Variants in ADGRE2 observed in about 807,000 individuals in gnomAD.
The protein encoded by ADGRE2 is adhesion G protein-coupled receptor E2.
ADGRE2 carries 83 observed loss-of-function variants against 100.8 expected under a neutral mutation model. The ratio of observed to expected loss-of-function variants is 0.82; its 90% confidence interval spans 0.69 to 0.99. The LOEUF (loss-of-function observed/expected upper bound fraction) is 0.99. Among genes scored for constraint, ADGRE2 ranks in the 50% least tolerant of loss-of-function variants. ADGRE2 has a pLI of 0.00. For missense variants in ADGRE2, 814 were observed against 1,035.7 expected (o/e 0.79, Z 2.94); for synonymous variants, 355 against 413.0 (o/e 0.86, Z 1.70).
chr19:14,771,779 T>C (rs1449163912), intron 5 of ADGRE2: 1 of 152,716 alleles, frequency 6.5e-6, no homozygotes, highest in East Asian at 1.9e-4. Flanking sequence ...TAGCTGGGAT[T>C]ACAGGCACCC....
intron 5 of ADGRE2, among the ~76,000 whole-genome samples, chr19:14,767,468 T>G (rs752927149): frequency 1.1e-4 from 17 of 152,134 alleles, no homozygotes; most frequent in Non-Finnish European, 2.1e-4. Context: ...CTTGATCTCC[T>G]GACCTCGTGA....
intron 4 of ADGRE2, among the ~76,000 whole-genome samples, chr19:14,773,080 C>CAAAAAAAAAAAA (rs35688921): frequency 1.5e-4 from 7 of 45,794 alleles, no homozygotes; most frequent in African/African-American, 4.2e-4. Flanking sequence ...GACTCCATCT[C>CAAAAAAAAAAAA]AAAAAAAAAA....
intron 20 of ADGRE2, among the ~76,000 whole-genome samples, chr19:14,736,495 A>AG (rs1568572537): frequency 6.6e-6 from 1 of 151,890 alleles, no homozygotes; most frequent in Non-Finnish European, 1.5e-5. Flanking sequence ...TCCTGACCTC[A>AG]GGTGATCTGC....
At chr19:14,744,116 C>T (rs1396576879) in intron 18 of ADGRE2, among the ~76,000 whole-genome samples, 5 of 151,600 alleles carry the variant, frequency 3.3e-5, no homozygotes, top group Admixed American at 6.6e-5. Context: ...GTCGGGGGGG[C>T]GCCTGTAATC....
At chr19:14,741,091 GTTTTTT>G (rs71333309) in intron 20 of ADGRE2, among the ~76,000 whole-genome samples, 2 of 116,712 alleles carry the variant, frequency 1.7e-5, no homozygotes, top group Admixed American at 9.6e-5. Flanking sequence ...TGAATAGGCT[GTTTTTT>G]TTTTTTTTTT....
At chr19:14,744,906 T>C (rs1211159309) in intron 18 of ADGRE2, among the ~76,000 whole-genome samples, 2 of 151,760 alleles carry the variant, frequency 1.3e-5, no homozygotes, top group African/African-American at 2.4e-5. Flanking sequence ...ACTTTTTTTT[T>C]TGAGTTGGAG....
intron 13 of ADGRE2, among the ~76,000 whole-genome samples, chr19:14,755,389 A>C (rs2043462032): frequency 6.6e-6 from 1 of 151,920 alleles, no homozygotes; most frequent in Admixed American, 6.6e-5. Context: ...GGAGGCGGAG[A>C]CTGCAGTGAG....
intron 5 of ADGRE2, among the ~76,000 whole-genome samples, chr19:14,771,368 C>T (rs2044201459): frequency 6.6e-6 from 1 of 152,164 alleles, no homozygotes; most frequent in South Asian, 2.1e-4. Flanking sequence ...TGTCCACCTG[C>T]TACTGGTTCC....
chr19:14,739,842 T>C (rs1453029292), intron 20 of ADGRE2, among the ~76,000 whole-genome samples: 1 of 152,206 alleles, frequency 6.6e-6, no homozygotes, highest in Non-Finnish European at 1.5e-5. Context: ...GGCTCACGTC[T>C]GTAATCCCAG....
chr19:14,774,902 G>T (rs12461047), intron 2 of ADGRE2, among the ~76,000 whole-genome samples: 77,162 of 148,550 alleles, frequency 0.52, 20,573 homozygotes, highest in Middle Eastern at 0.59. Context: ...TCGAACTCCT[G>T]ACCTCAGGTG....
At chr19:14,727,794 T>TC (rs1221692209), downstream of ADGRE2, among the ~76,000 whole-genome samples, 1 of 152,190 alleles carries the variant, frequency 6.6e-6, no homozygotes, top group Non-Finnish European at 1.5e-5. Flanking sequence ...TAATGTTAAG[T>TC]CTCACCTTAT....
chr19:14,725,748 G>C, the ADGRE2 span, among the ~76,000 whole-genome samples: 1 of 152,212 alleles, frequency 6.6e-6, no homozygotes, highest in Non-Finnish European at 1.5e-5. Flanking sequence ...TGCAAGATAT[G>C]GGATCTCAAG....
In ADGRE2 at chr19:14,733,597, AAC is replaced by A. The variant is rs1057219292; in HGVS notation, c.*2637_*2638del. ...CCTCCCATATAAGCACAACAAAAAA[AAC>A]ACAGAAGCAGTCCAAGCCTCTAAGA... is the stretch of plus-strand genomic sequence containing the variant. On this transcript the variant is annotated 3_prime_UTR_variant, in exon 21 of 21. Coordinates refer to ENST00000315576, the MANE Select transcript of ADGRE2 (RefSeq NM_013447.4). The A allele has an allele frequency of 7.2e-5, 11 of 152,212 alleles. No homozygotes were observed. The highest frequency in any genetic ancestry group is 2.7e-4 in the African/African-American group (11 of 41,430). The allele number at this position is 152,212 out of a possible 1,614,324, so 9.4% of individuals were successfully genotyped here.
chr19:14,726,397 C>T, the ADGRE2 span, among the ~76,000 whole-genome samples: 54,070 of 152,016 alleles, frequency 0.36, 10,165 homozygotes, highest in East Asian at 0.58. Context: ...CCCTTTTAGT[C>T]ACGTTAGTCT....
At chr19:14,729,365 T>G (rs1050292638), downstream of ADGRE2, among the ~76,000 whole-genome samples, 1 of 152,116 alleles carries the variant, frequency 6.6e-6, no homozygotes, top group Non-Finnish European at 1.5e-5. Flanking sequence ...ATACACTTTT[T>G]TTTTTTGTTT....
intron 15 of ADGRE2, among the ~76,000 whole-genome samples, chr19:14,752,092 C>T (rs2043315109): frequency 6.6e-6 from 1 of 151,804 alleles, no homozygotes; most frequent in South Asian, 2.1e-4. Context: ...CGCCACCATG[C>T]CTGGCTAATT....
Position 14,736,348 on chromosome 19 carries a change from G to C in ADGRE2, c.2464-104C>G, listed in dbSNP as rs1009843522. On this transcript the variant is annotated intron_variant, in intron 20 of 20. Coordinates refer to ENST00000315576, the MANE Select transcript of ADGRE2 (RefSeq NM_013447.4). ...GCAGCCTCGACTCACTGTAACCCCC[G>C]CCTCCCAGGTTCAAGCAATTCTCCT... 5 of 688,564 alleles carry C rather than the reference G, an allele frequency of 7.3e-6. No homozygotes were observed. The Admixed American group carries it at 7.8e-5, about 11-fold the overall frequency. 42.7% of individuals were successfully genotyped at this position (688,564 alleles called of 1,614,324 possible).
downstream of ADGRE2, among the ~76,000 whole-genome samples, chr19:14,727,437 A>T (rs560808142): frequency 6.6e-6 from 1 of 152,340 alleles, no homozygotes; most frequent in African/African-American, 2.4e-5. Flanking sequence ...CACAGCAGAA[A>T]GCAAAGCGGG....
chr19:14,770,588 C>G (rs1454546510), intron 5 of ADGRE2, among the ~76,000 whole-genome samples: 1 of 151,934 alleles, frequency 6.6e-6, no homozygotes, highest in Admixed American at 6.6e-5. Flanking sequence ...CTGAAAACCT[C>G]TCCATTCCCC....
Sources: allele counts gnomAD v4.1 joint callset (sites outside exome capture counted in the v4.1 genomes callset), GRCh38; gene constraint gnomAD v4.1.1; transcripts MANE v1.5; gene names NCBI Gene and HGNC (gene_info 2026-07-23, HGNC 2026-07-21).